PDGFD: variants seen among roughly 807,000 people sequenced by gnomAD.
PDGFD encodes the protein platelet-derived growth factor D.
In PDGFD, 30 loss-of-function variants were observed where a neutral mutation model predicts 44.7. The ratio of observed to expected loss-of-function variants is 0.67; its 90% CI spans 0.50 to 0.91. PDGFD has a LOEUF of 0.91. Ranked by LOEUF, PDGFD falls within the 40% of genes least tolerant of loss-of-function variation. The pLI is 0.00. For synonymous variants in PDGFD, 173 were observed against 168.4 expected, an observed-to-expected ratio of 1.03 and a Z score of -0.21; for missense variants, 445 against 457.8, an observed-to-expected ratio of 0.97 and a Z score of 0.25.
chr11:103,957,440 G>A (rs901845584), intron 3 of PDGFD, among the ~76,000 whole-genome samples: 8 of 152,148 alleles, frequency 5.3e-5, no homozygotes, highest in Non-Finnish European at 1.0e-4. Flanking sequence ...CAAAGCTGGA[G>A]GCATCACGCT....
intron 3 of PDGFD, among the ~76,000 whole-genome samples, chr11:103,952,658 T>C (rs77677554): frequency 0.014 from 2,203 of 152,256 alleles, 52 homozygotes; most frequent in South Asian, 0.056. Context: ...AATTAGCTAT[T>C]GTGCATCTCT....
At chr11:104,003,093 C>T (rs1859644971) in intron 1 of PDGFD, among the ~76,000 whole-genome samples, 1 of 152,076 alleles carries the variant, frequency 6.6e-6, no homozygotes, top group Non-Finnish European at 1.5e-5. Context: ...TTCTTGTCTT[C>T]GTACACTTGG....
At chr11:104,057,568 C>G (rs361321) in intron 1 of PDGFD, among the ~76,000 whole-genome samples, 151,668 of 152,230 alleles carry the variant, frequency 1, 75,558 homozygotes, top group Middle Eastern at 1. Context: ...ACTGACCACC[C>G]GGCACTAGGC....
intron 1 of PDGFD, chr11:104,038,278 A>G: frequency 2.4e-6 from 1 of 421,202 alleles, no homozygotes; most frequent in South Asian, 5.0e-5. Context: ...TCCATGAAAA[A>G]GAAAACCAGC....
intron 6 of PDGFD, among the ~76,000 whole-genome samples, chr11:103,919,172 C>A (rs1858170483): frequency 6.6e-6 from 1 of 152,150 alleles, no homozygotes; most frequent in Admixed American, 6.6e-5. Context: ...TGTGACTGAG[C>A]CAATTGGTGG....
intron 1 of PDGFD, among the ~76,000 whole-genome samples, chr11:104,108,469 A>G (rs1205649923): frequency 6.6e-6 from 1 of 152,212 alleles, no homozygotes; most frequent in African/African-American, 2.4e-5. Flanking sequence ...ATCACTGGCT[A>G]TCAGAGAAAT....
At position 104,147,216 on chromosome 11, in the gene PDGFD, T is replaced by C. The variant is rs1862176438; in HGVS notation, c.124+16588A>G. Among the ~76,000 whole-genome samples, 3 of 152,242 alleles carry C rather than the reference T, an allele frequency of 2.0e-5. 1 individual carries two copies. The highest frequency in any genetic ancestry group is 4.8e-5 in the African/African-American group (2 of 41,546). On this transcript the variant is annotated intron_variant, in intron 1 of 6. Coordinates refer to ENST00000393158, the MANE Select transcript of PDGFD (RefSeq NM_025208.5). ...CTTGTTTTGAAAACTAAGTACACTG[T>C]GCTTGGTTTTTCACAGCATAAGATA...
At chr11:104,138,858 T>C (rs1173494815) in intron 1 of PDGFD, among the ~76,000 whole-genome samples, 1 of 152,082 alleles carries the variant, frequency 6.6e-6, no homozygotes, top group Non-Finnish European at 1.5e-5. Flanking sequence ...ACCTCCCAGG[T>C]TCACGCAACT....
At chr11:103,943,800 CTT>C in intron 4 of PDGFD, 150 bp from the exon 5 acceptor site, 1 of 615,298 alleles carries the variant, frequency 1.6e-6, no homozygotes. Flanking sequence ...ATGGTATTGT[CTT>C]GCCATATTCT....
intron 1 of PDGFD, among the ~76,000 whole-genome samples, chr11:104,089,241 G>T (rs1057117756): frequency 6.6e-6 from 1 of 152,088 alleles, no homozygotes; most frequent in Non-Finnish European, 1.5e-5. Flanking sequence ...GGTAGTCAGA[G>T]AATTAATTTA....
chr11:104,126,591 T>C lies in PDGFD; in HGVS notation c.124+37213A>G, dbSNP rs111515099. 6.0e-3 allele frequency among the ~76,000 whole-genome samples: 912 copies of C among 152,234 alleles called. 8 individuals carry two copies. The highest frequency in any genetic ancestry group is 0.021 in the African/African-American group (861 of 41,542). The stretch of plus-strand genomic sequence containing the variant: ...GCTAAAGAAATAAACATAATTAGGA[T>C]GCTATTTCTGTTCTTAAGGAGATTA... On this transcript the variant is annotated intron_variant, in intron 1 of 6. Transcript: ENST00000393158.
chr11:103,924,577 T>C lies in PDGFD; in HGVS notation c.987+2335A>G, dbSNP rs377164532. Among the ~76,000 whole-genome samples, 430 of 152,334 alleles carry C rather than the reference T, an allele frequency of 2.8e-3. 3 individuals are homozygous for C. The highest frequency in any genetic ancestry group is 6.8e-3 in the Middle Eastern group (2 of 294). On this transcript the variant is annotated intron_variant, in intron 6 of 6. Coordinates refer to ENST00000393158, the MANE Select transcript of PDGFD (RefSeq NM_025208.5). ...AGTGTTTCCCTGTCTGAAGTAAGTATGGTCATGGTGGAACAATTTCCTACA... is the reference window on the plus strand; with the variant it reads ...AGTGTTTCCCTGTCTGAAGTAAGTACGGTCATGGTGGAACAATTTCCTACA...
intron 6 of PDGFD, among the ~76,000 whole-genome samples, chr11:103,926,585 T>C (rs186930491): frequency 6.6e-6 from 1 of 152,342 alleles, no homozygotes. Flanking sequence ...TAACATCATA[T>C]TTCTCTTTTT....
intron 6 of PDGFD, among the ~76,000 whole-genome samples, chr11:103,914,306 A>G (rs1441538608): frequency 6.6e-6 from 1 of 152,202 alleles, no homozygotes; most frequent in Admixed American, 6.5e-5. Context: ...TTGCTGTTTG[A>G]TCAAGTAGCC....
rs562091897 is a variant in PDGFD, at chr11:103,957,307, A to T, written c.511-9583T>A. On this transcript the variant is annotated intron_variant, in intron 3 of 6. Transcript: ENST00000393158. ...CCATACTGCCCAAGGTAATTTATAGATTCAATGCCATCCCCATCAAGCTAC... is the reference window on the plus strand; with the variant it reads ...CCATACTGCCCAAGGTAATTTATAGTTTCAATGCCATCCCCATCAAGCTAC... Among the ~76,000 whole-genome samples, 7 of 152,320 alleles carry T rather than the reference A, an allele frequency of 4.6e-5. No homozygotes were observed. The South Asian group carries it at 1.2e-3, about 27-fold the overall frequency.
rs778016206 is a variant in PDGFD at position 104,037,676 on chromosome 11, G to C, written c.125-37421C>G. The C allele has an allele frequency of 6.2e-6, 10 of 1,614,140 alleles. No individual in the cohort carries two copies. In the Admixed American group the frequency reaches 1.7e-4, roughly 27 times the overall value. ...AACATCATGAGGCTGGTGGACCGAC[G>C]GTGGGCTGGGGTTGCTAAAGGAGTG... On this transcript the variant is annotated intron_variant, in intron 1 of 6. Coordinates refer to ENST00000393158, the MANE Select transcript of PDGFD (RefSeq NM_025208.5).
chr11:104,036,353 A>T (rs1301871132), intron 1 of PDGFD, among the ~76,000 whole-genome samples: 1 of 152,014 alleles, frequency 6.6e-6, no homozygotes, highest in Non-Finnish European at 1.5e-5. Flanking sequence ...CTGAGAGAGG[A>T]GGACTGCTTG....
At chr11:104,108,910 ATGAAGC>A (rs1861507032) in intron 1 of PDGFD, among the ~76,000 whole-genome samples, 1 of 152,180 alleles carries the variant, frequency 6.6e-6, no homozygotes, top group Non-Finnish European at 1.5e-5. Context: ...AGGGACATGG[ATGAAGC>A]TGGAAACCAT....
At chr11:104,015,157 C>G (rs1859842415) in intron 1 of PDGFD, among the ~76,000 whole-genome samples, 1 of 152,110 alleles carries the variant, frequency 6.6e-6, no homozygotes, top group Non-Finnish European at 1.5e-5. Flanking sequence ...ATTCATAAAC[C>G]AAGAATACTT....
Sources: gnomAD v4.1 joint callset for allele counts (sites outside exome capture counted in the v4.1 genomes callset) on GRCh38, gnomAD v4.1.1 for gene constraint, MANE v1.5 for transcripts, NCBI Gene and HGNC (gene_info 2026-07-23, HGNC 2026-07-21) for gene names.